SMG7: variants seen among roughly 807,000 people sequenced by gnomAD.
SMG7 encodes the protein nonsense-mediated mRNA decay factor SMG7.
A neutral mutation model predicts 148.2 loss-of-function variants in SMG7; 34 were observed. The observed-to-expected ratio is 0.23, with a 90% CI of 0.17 to 0.31. The LOEUF is 0.31. Ranked by LOEUF, SMG7 falls within the 10% of genes least tolerant of loss-of-function variation. The pLI, the probability that SMG7 is intolerant of heterozygous loss-of-function variation, is 1.00. For synonymous variants in SMG7, 492 were observed against 515.1 expected (o/e 0.96, Z 0.61); for missense variants, 1,114 against 1,408.4 (o/e 0.79, Z 3.35).
chr1:183,473,507 A>G (rs1651308818), intron 1 of SMG7, among the ~76,000 whole-genome samples: 1 of 152,048 alleles, frequency 6.6e-6, no homozygotes, highest in Non-Finnish European at 1.5e-5. Flanking sequence ...TGAACTTAGT[A>G]CCTGATGGCG....
At chr1:183,538,350 T>C (rs772922740) in intron 11 of SMG7, 30 bp from the exon 12 acceptor site, 1 of 1,547,796 alleles carries the variant, frequency 6.5e-7, no homozygotes. Context: ...TTAATTAAAA[T>C]GTTTGCAAAT....
chr1:183,552,323 A>G lies in SMG7; in HGVS notation c.*392A>G. 1.0e-6 allele frequency: 1 copy of G among 998,882 alleles called. No homozygotes were observed. Among genetic ancestry groups the G allele is most frequent in the Non-Finnish European group, 1.2e-6 (1 of 838,724 alleles). 61.9% of individuals were successfully genotyped at this position (998,882 alleles called of 1,614,324 possible). On this transcript the variant is annotated 3_prime_UTR_variant, in exon 23 of 23. Transcript: ENST00000688051. The stretch of plus-strand genomic sequence containing the variant: ...TCAGTCCTTTTTTCCTCTTTGGGGA[A>G]TAAAATAGGAATCCATTAATGATTG...
intron 1 of SMG7, among the ~76,000 whole-genome samples, chr1:183,497,723 C>T (rs1228215826): frequency 6.6e-6 from 1 of 152,038 alleles, no homozygotes; most frequent in Non-Finnish European, 1.5e-5. Flanking sequence ...GCGCCCGCCA[C>T]CGTGCCCGGC....
At chr1:183,537,759 C>A (rs547541288) in intron 11 of SMG7, among the ~76,000 whole-genome samples, 6 of 152,120 alleles carry the variant, frequency 3.9e-5, no homozygotes, top group Admixed American at 3.3e-4. Flanking sequence ...GAAAACATGA[C>A]TTTTACTGGC....
intron 1 of SMG7, among the ~76,000 whole-genome samples, chr1:183,477,474 G>T (rs546370920): frequency 3.3e-5 from 5 of 150,148 alleles, no homozygotes; most frequent in Non-Finnish European, 5.9e-5. Flanking sequence ...GTGTATATAT[G>T]CATATATACA....
intron 1 of SMG7, among the ~76,000 whole-genome samples, chr1:183,491,788 T>C (rs1657091174): frequency 6.6e-6 from 1 of 152,236 alleles, no homozygotes; most frequent in Non-Finnish European, 1.5e-5. Context: ...AATTTATTTC[T>C]CACAGATCCA....
intron 1 of SMG7, among the ~76,000 whole-genome samples, chr1:183,507,452 GT>G (rs1361195646): frequency 6.6e-6 from 1 of 152,070 alleles, no homozygotes. Context: ...ATGGTTAGGA[GT>G]TATACTCTGG....
chr1:183,475,511 A>T (rs981673712), intron 1 of SMG7, among the ~76,000 whole-genome samples: 1 of 152,252 alleles, frequency 6.6e-6, no homozygotes, highest in African/African-American at 2.4e-5. Flanking sequence ...TGTTAGGAAA[A>T]TGACTCTGTG....
rs1558076621 is a variant in SMG7 at position 183,551,922 on chromosome 1, T to G, written c.3555T>G (p.Pro1185=). 2.5e-6 allele frequency: 4 copies of G among 1,613,480 alleles called. No homozygotes were observed. The highest frequency in any genetic ancestry group is 1.7e-6 in the Non-Finnish European group (2 of 1,179,656). Residue 1185 remains proline, a synonymous_variant, in exon 23 of 23, where the codon CCT becomes CCG. Coordinates refer to ENST00000688051, the MANE Select transcript of SMG7 (RefSeq NM_001375584.1). The part of the protein sequence containing the change: ...KQQRGQGTMN[P]PH Reference sequence around the variant, plus strand: ...AACGGGGACAAGGCACCATGAACCCTCCACACTGAGGCCAAAGTGGCAACC... The same window carrying G: ...AACGGGGACAAGGCACCATGAACCCGCCACACTGAGGCCAAAGTGGCAACC...
chr1:183,527,942 TTTC>T lies in SMG7; in HGVS notation c.485-5_485-3del, dbSNP rs1407921395. The T allele has an allele frequency of 6.2e-6, 10 of 1,610,428 alleles. No homozygotes were observed. The highest frequency in any genetic ancestry group is 1.3e-5 in the African/African-American group (1 of 74,780). On this transcript the variant is annotated splice_polypyrimidine_tract_variant and intron_variant, in intron 5 of 22. Coordinates refer to ENST00000688051, the MANE Select transcript of SMG7 (RefSeq NM_001375584.1). The surrounding 1 kb of genome is among the most constrained non-coding windows in gnomAD (Gnocchi z 4.0). Reference sequence around the variant, plus strand: ...GTTTTTTGGGTTTTTTAAAACTAATTTTCTTCTTCTTAGCTCGATACAGAAACC... The same window carrying T: ...GTTTTTTGGGTTTTTTAAAACTAATTTTCTTCTTAGCTCGATACAGAAACC...
Position 183,512,827 on chromosome 1 carries a change from T to A in SMG7, c.30-10T>A. ...GATACTCTTTTTTTTTTTTTTTTTT[T>A]TCTATCTAGGCAGGCAGAAGTCCTG... On this transcript the variant is annotated splice_polypyrimidine_tract_variant and intron_variant, in intron 1 of 22. Transcript: ENST00000688051. 1.9e-6 allele frequency: 3 copies of A among 1,581,000 alleles called. No individual in the cohort carries two copies. The highest frequency in any genetic ancestry group is 2.6e-6 in the Non-Finnish European group (3 of 1,169,616).
intron 1 of SMG7, among the ~76,000 whole-genome samples, chr1:183,475,497 T>C (rs999022572): frequency 1.3e-5 from 2 of 152,240 alleles, no homozygotes; most frequent in African/African-American, 4.8e-5. Context: ...TGTTCACAGC[T>C]ATGTGTTAGG....
Position 183,515,887 on chromosome 1 carries a change from T to G in SMG7, c.75T>G (p.Gly25=). The G allele has an allele frequency of 7.4e-6, 12 of 1,611,592 alleles. No individual in the cohort carries two copies. Among genetic ancestry groups the G allele is most frequent in the Non-Finnish European group, 1.0e-5 (12 of 1,178,352 alleles). ...LKADMTDSKL[G]PAEVWTSRQA... ...TTTGTTACTCAGATTCTAAGCTGGG[T>G]CCAGCTGAAGTCTGGACATCCAGGC... Residue 25 remains glycine (G), a synonymous_variant, in exon 3 of 23, where the codon GGT becomes GGG. Transcript: ENST00000688051.
intron 2 of SMG7, 148 bp from the exon 3 acceptor site, chr1:183,515,726 G>C: frequency 2.5e-6 from 1 of 405,584 alleles, no homozygotes; most frequent in Non-Finnish European, 4.4e-6. Context: ...AAATATAGTA[G>C]TATAAAACTT....
At chr1:183,498,865 G>C (rs1382610795) in intron 1 of SMG7, among the ~76,000 whole-genome samples, 2 of 152,170 alleles carry the variant, frequency 1.3e-5, no homozygotes, top group African/African-American at 2.4e-5. Flanking sequence ...GTATAGTACA[G>C]AGTATTTTCA....
chr1:183,489,047 A>G (rs868731283), intron 1 of SMG7, among the ~76,000 whole-genome samples: 1 of 152,112 alleles, frequency 6.6e-6, no homozygotes, highest in African/African-American at 2.4e-5. Context: ...AGTGTTCACA[A>G]TATCTTTCAC....
intron 1 of SMG7, among the ~76,000 whole-genome samples, chr1:183,473,348 G>A (rs1397958452): frequency 1.3e-5 from 2 of 152,058 alleles, no homozygotes; most frequent in Non-Finnish European, 2.9e-5. Context: ...CATTCTGAGA[G>A]TCGTGTGTAT....
chr1:183,518,444 G>A (rs932444493), intron 4 of SMG7, among the ~76,000 whole-genome samples: 2 of 151,984 alleles, frequency 1.3e-5, no homozygotes, highest in African/African-American at 4.8e-5. Context: ...TATGGATATA[G>A]CTATAGTCAT....
chr1:183,527,885 A>G lies in SMG7; in HGVS notation c.485-71A>G, dbSNP rs955697910. ...TTTATTATCTTTAGAACTTAAAACTATAGCTGTTTTGGAAATACTACCCTA... is the reference window on the plus strand; with the variant it reads ...TTTATTATCTTTAGAACTTAAAACTGTAGCTGTTTTGGAAATACTACCCTA... On this transcript the variant is annotated intron_variant, in intron 5 of 22. Coordinates refer to ENST00000688051, the MANE Select transcript of SMG7 (RefSeq NM_001375584.1). The surrounding 1 kb of genome is among the most constrained non-coding windows in gnomAD (Gnocchi z 4.0). 3 of 966,594 alleles carry G rather than the reference A, an allele frequency of 3.1e-6. No homozygotes were observed. The highest frequency in any genetic ancestry group is 4.9e-6 in the Non-Finnish European group (3 of 610,744). 59.9% of individuals were successfully genotyped at this position (966,594 alleles called of 1,614,324 possible).
Sources: gnomAD v4.1 joint callset for allele counts (sites outside exome capture counted in the v4.1 genomes callset) on GRCh38, gnomAD v4.1.1 for gene constraint, Gnocchi (gnomAD v3.1) non-coding constraint, MANE v1.5 for transcripts, NCBI Gene and HGNC (gene_info 2026-07-23, HGNC 2026-07-21) for gene names.